Variants in FHIT observed in about 807,000 individuals in gnomAD.
The protein encoded by FHIT is fragile histidine triad diadenosine triphosphatase.
In FHIT, 19 loss-of-function variants were observed where a neutral mutation model predicts 17.9. The observed-to-expected ratio is 1.06, with a 90% CI of 0.74 to 1.56. The LOEUF (loss-of-function observed/expected upper bound fraction) is 1.56. FHIT is among the 40% of genes most tolerant of loss of function. The pLI, the probability that FHIT is intolerant of heterozygous loss-of-function variation, is 0.00. For synonymous variants in FHIT, 81 were observed against 69.7 expected (o/e 1.16, Z -0.81); for missense variants, 248 against 189.2 (o/e 1.31, Z -1.82).
chr3:61,242,233 C>T (rs1465240652), intron 1 of FHIT, among the ~76,000 whole-genome samples: 1 of 151,588 alleles, frequency 6.6e-6, no homozygotes, highest in African/African-American at 2.4e-5. Context: ...GCCACTTTGG[C>T]ATAAGGGTTA....
intron 8 of FHIT, among the ~76,000 whole-genome samples, chr3:59,902,000 G>T (rs577528228): frequency 6.6e-6 from 1 of 152,240 alleles, no homozygotes; most frequent in African/African-American, 2.4e-5. Flanking sequence ...GCAACATAGT[G>T]AAGAGACAAT....
intron 5 of FHIT, among the ~76,000 whole-genome samples, chr3:60,494,119 C>G (rs906854739): frequency 1.3e-5 from 2 of 152,158 alleles, no homozygotes; most frequent in Admixed American, 1.3e-4. Flanking sequence ...TTTGTACATT[C>G]ACAATGTCAT....
chr3:60,174,139 T>C (rs1701561083), intron 5 of FHIT, among the ~76,000 whole-genome samples: 1 of 151,180 alleles, frequency 6.6e-6, no homozygotes, highest in South Asian at 2.1e-4. Context: ...CTCCATCTCT[T>C]GACCTCCTGA....
In FHIT at chr3:61,231,451, T is replaced by G. The variant is rs142361803; in HGVS notation, c.-213+19850A>C. 5.1e-3 allele frequency among the ~76,000 whole-genome samples: 766 copies of G among 151,374 alleles called. 8 individuals are homozygous for G. The highest frequency in any genetic ancestry group is 0.018 in the African/African-American group (735 of 41,186). On this transcript the variant is annotated intron_variant, in intron 1 of 9. Transcript: ENST00000492590. ...CAAGGTGGAGCCATGATCATGCCACTGCATTCCAGCCTGGGCAAAAGAGTG... is the reference window on the plus strand; with the variant it reads ...CAAGGTGGAGCCATGATCATGCCACGGCATTCCAGCCTGGGCAAAAGAGTG...
intron 4 of FHIT, among the ~76,000 whole-genome samples, chr3:60,818,803 C>T (rs1701823152): frequency 6.6e-6 from 1 of 152,090 alleles, no homozygotes; most frequent in Non-Finnish European, 1.5e-5. Context: ...TGCCCTGAAC[C>T]CTGTTCTTTG....
At chr3:60,610,349 T>G (rs1489626015) in intron 4 of FHIT, among the ~76,000 whole-genome samples, 1 of 152,300 alleles carries the variant, frequency 6.6e-6, no homozygotes, top group Middle Eastern at 3.4e-3. Context: ...GATATTAGGG[T>G]TTAATTCTAC....
intron 5 of FHIT, among the ~76,000 whole-genome samples, chr3:60,062,992 A>G (rs1702355122): frequency 2.6e-5 from 4 of 152,340 alleles, no homozygotes; most frequent in Admixed American, 2.0e-4. Flanking sequence ...ATGTTCCACA[A>G]TGAGACCGCT....
intron 1 of FHIT, among the ~76,000 whole-genome samples, chr3:61,247,111 A>C (rs2040505896): frequency 6.6e-6 from 1 of 151,538 alleles, no homozygotes; most frequent in African/African-American, 2.4e-5. Context: ...TACTGCTCTC[A>C]CCAGAGCAGA....
rs1338223921 is a variant in FHIT at position 60,614,832 on chromosome 3, T to G, written c.-17-77853A>C. ...TTGTTTTTTTTTTGTTTTTTTTTTG[T>G]TTTTTTTTTGTTTTTTGAGATGGAG... On this transcript the variant is annotated intron_variant, in intron 4 of 9. Coordinates refer to ENST00000492590, the MANE Select transcript of FHIT (RefSeq NM_002012.4). 6.1e-5 allele frequency among the ~76,000 whole-genome samples: 5 copies of G among 81,898 alleles called. 1 individual carries two copies. Among genetic ancestry groups the G allele is most frequent in the Admixed American group, 3.8e-4 (3 of 7,932 alleles). The allele number at this position is 81,898 out of a possible 152,430, so 53.7% of individuals were successfully genotyped here.
At position 60,900,162 on chromosome 3, in the gene FHIT, C is replaced by T. The variant is rs553949619; in HGVS notation, c.-110-78151G>A. On this transcript the variant is annotated intron_variant, in intron 3 of 9. Coordinates refer to ENST00000492590, the MANE Select transcript of FHIT (RefSeq NM_002012.4). ...GACTTGTACTGCTGTCATTGATTCT[C>T]CTACTTCAAGATCATCTCCAACTTG... Among the ~76,000 whole-genome samples, 9 of 152,250 alleles carry T rather than the reference C, an allele frequency of 5.9e-5. No homozygotes were observed. The South Asian group carries it at 1.9e-3, about 32-fold the overall frequency.
At chr3:60,640,426 A>G (rs551414746) in intron 4 of FHIT, among the ~76,000 whole-genome samples, 1 of 152,324 alleles carries the variant, frequency 6.6e-6, no homozygotes, top group Admixed American at 6.5e-5. Context: ...TATATCTTGC[A>G]GAGCAGGTGT....
chr3:59,975,229 A>G (rs557713455), intron 7 of FHIT, among the ~76,000 whole-genome samples: 30 of 152,270 alleles, frequency 2.0e-4, no homozygotes, highest in Admixed American at 3.3e-4. Flanking sequence ...ATGAATTAGA[A>G]GAAGGCAACA....
intron 3 of FHIT, among the ~76,000 whole-genome samples, chr3:60,905,240 T>C (rs1706343372): frequency 6.6e-6 from 1 of 152,080 alleles, no homozygotes; most frequent in East Asian, 1.9e-4. Context: ...AAAAGTACAT[T>C]GAGATACTAT....
intron 2 of FHIT, among the ~76,000 whole-genome samples, chr3:61,067,042 G>C (rs2034636186): frequency 6.6e-6 from 1 of 152,162 alleles, no homozygotes; most frequent in Admixed American, 6.5e-5. Context: ...TTTTGGTTTT[G>C]AGTAAGGCCT....
chr3:60,412,404 G>A (rs572617445), intron 5 of FHIT, among the ~76,000 whole-genome samples: 1 of 152,144 alleles, frequency 6.6e-6, no homozygotes, highest in Admixed American at 6.6e-5. Context: ...TAGGTCCCTA[G>A]AGATTCACAA....
At chr3:60,658,760 T>C (rs750807384) in intron 4 of FHIT, among the ~76,000 whole-genome samples, 1 of 152,084 alleles carries the variant, frequency 6.6e-6, no homozygotes, top group Non-Finnish European at 1.5e-5. Context: ...ATTAGTCTCA[T>C]ATCATGTAGA....
At chr3:59,870,283 C>T (rs1702859562) in intron 8 of FHIT, among the ~76,000 whole-genome samples, 1 of 152,166 alleles carries the variant, frequency 6.6e-6, no homozygotes, top group Admixed American at 6.5e-5. Context: ...TATAAGGATT[C>T]CCATTCCCAT....
At chr3:60,333,570 A>T (rs1212057576) in intron 5 of FHIT, among the ~76,000 whole-genome samples, 1 of 152,158 alleles carries the variant, frequency 6.6e-6, no homozygotes, top group Non-Finnish European at 1.5e-5. Flanking sequence ...AAAAAGAAAA[A>T]ATATAATTAA....
intron 5 of FHIT, among the ~76,000 whole-genome samples, chr3:60,217,347 C>G (rs1218778297): frequency 1.3e-5 from 2 of 152,174 alleles, no homozygotes; most frequent in Admixed American, 1.3e-4. Context: ...AGTCACTTTC[C>G]TTGAGCTCAT....
Sources: allele counts gnomAD v4.1 joint callset (sites outside exome capture counted in the v4.1 genomes callset), GRCh38; gene constraint gnomAD v4.1.1; transcripts MANE v1.5; gene names NCBI Gene and HGNC (gene_info 2026-07-23, HGNC 2026-07-21).